The following DOCK3 variants were observed in gnomAD, a reference collection of about 807,000 sequenced individuals.
DOCK3 encodes the protein dedicator of cytokinesis protein 3.
A neutral mutation model predicts 265.6 loss-of-function variants in DOCK3; 60 were observed. That is an observed-to-expected ratio of 0.23 (90% CI 0.18 to 0.28). The LOEUF (loss-of-function observed/expected upper bound fraction) is 0.28. DOCK3 is among the 10% of genes least tolerant of loss of function. DOCK3 has a pLI of 1.00. For synonymous variants in DOCK3, 881 were observed against 938.0 expected, an observed-to-expected ratio of 0.94 and a Z score of 1.11; for missense variants, 1,981 against 2,594.3, an observed-to-expected ratio of 0.76 and a Z score of 5.14.
At chr3:51,210,640 C>T (rs2089451501) in intron 13 of DOCK3, among the ~76,000 whole-genome samples, 1 of 152,128 alleles carries the variant, frequency 6.6e-6, no homozygotes, top group Non-Finnish European at 1.5e-5. Context: ...ACTCTGGGGT[C>T]TTTGTGTCAG....
intron 37 of DOCK3, among the ~76,000 whole-genome samples, chr3:51,339,294 T>G (rs902431305): frequency 6.6e-6 from 1 of 152,204 alleles, no homozygotes; most frequent in East Asian, 1.9e-4. Flanking sequence ...TATCCACCCC[T>G]CTGAAGTCTC....
intron 49 of DOCK3, 22 bp downstream of exon 49, chr3:51,362,696 T>C: frequency 1.9e-6 from 3 of 1,610,148 alleles, no homozygotes; most frequent in Non-Finnish European, 2.5e-6. Context: ...AGGGTGCTAC[T>C]TGCAGAATGG....
chr3:51,267,772 A>G (rs1278669489), intron 23 of DOCK3, among the ~76,000 whole-genome samples: 1 of 152,242 alleles, frequency 6.6e-6, no homozygotes, highest in Non-Finnish European at 1.5e-5. Context: ...CTAGATAAAG[A>G]AAATGTGGCA....
At chr3:50,824,782 G>A (rs2675833) in intron 2 of DOCK3, among the ~76,000 whole-genome samples, 145,242 of 152,254 alleles carry the variant, frequency 0.95, 69,698 homozygotes, top group East Asian at 1. Context: ...TAGATGAATG[G>A]ACTAATAACC....
intron 23 of DOCK3, among the ~76,000 whole-genome samples, chr3:51,266,683 G>A (rs1169898823): frequency 6.6e-6 from 1 of 152,114 alleles, no homozygotes; most frequent in Non-Finnish European, 1.5e-5. Flanking sequence ...AACTCAAGAT[G>A]TATTAAAGAC....
chr3:50,998,264 G>A (rs2078352212), intron 5 of DOCK3, among the ~76,000 whole-genome samples: 1 of 152,136 alleles, frequency 6.6e-6, no homozygotes, highest in South Asian at 2.1e-4. Flanking sequence ...TCCAGACCTG[G>A]GACTTTGAAT....
chr3:50,690,807 T>C (rs2035182147), intron 1 of DOCK3, among the ~76,000 whole-genome samples: 1 of 151,816 alleles, frequency 6.6e-6, no homozygotes, highest in African/African-American at 2.4e-5. Context: ...CATGCCTGGC[T>C]AATTTTTGTA....
chr3:50,987,267 A>G (rs890151341), intron 5 of DOCK3, among the ~76,000 whole-genome samples: 1 of 152,230 alleles, frequency 6.6e-6, no homozygotes, highest in African/African-American at 2.4e-5. Flanking sequence ...AATTCTGTTC[A>G]TAAAGAATAC....
chr3:51,348,948 G>GC lies in DOCK3; in HGVS notation c.4002+14dup, dbSNP rs1553865726. 1 of 1,558,098 alleles carries GC rather than the reference G, an allele frequency of 6.4e-7. No individual in the cohort carries two copies. ...CCTCAGCTGGATTCGGGTGAGCTGT[G>GC]CCCCTCCCCCCACCCCAGCCCTGAC... is the stretch of plus-strand genomic sequence containing the variant. On this transcript the variant is annotated intron_variant, in intron 39 of 52. Transcript: ENST00000266037.
At chr3:51,379,473 G>A (rs1322365521) in intron 51 of DOCK3, 1 of 985,342 alleles carries the variant, frequency 1.0e-6, no homozygotes, top group African/African-American at 1.7e-5. Flanking sequence ...CCCAGCAGCT[G>A]GAGTCTGGAT....
chr3:50,823,219 AG>A (rs1197924403), intron 2 of DOCK3, among the ~76,000 whole-genome samples: 1 of 151,840 alleles, frequency 6.6e-6, no homozygotes, highest in Non-Finnish European at 1.5e-5. Context: ...GGGATTTGGC[AG>A]GGTCACAGGA....
intron 51 of DOCK3, among the ~76,000 whole-genome samples, chr3:51,377,968 A>AT (rs1227152018): frequency 7.2e-5 from 11 of 152,082 alleles, no homozygotes; most frequent in Admixed American, 2.0e-4. Context: ...GGAGAAGGTG[A>AT]TTTTTTTGGC....
chr3:51,364,811 T>C (rs1308509908), intron 49 of DOCK3, among the ~76,000 whole-genome samples: 2 of 152,134 alleles, frequency 1.3e-5, no homozygotes, highest in East Asian at 1.9e-4. Flanking sequence ...GGTATTATTT[T>C]TGAGGGTTCT....
intron 5 of DOCK3, among the ~76,000 whole-genome samples, chr3:51,005,650 T>A (rs1375175454): frequency 6.6e-6 from 1 of 152,206 alleles, no homozygotes; most frequent in Non-Finnish European, 1.5e-5. Context: ...ATCAAATGTT[T>A]AGCAGGTTCT....
chr3:50,841,712 GA>G lies in DOCK3; in HGVS notation c.161del (p.Lys54ArgfsTer11). The G allele has an allele frequency of 8.8e-7, 1 of 1,138,256 alleles. No homozygotes were observed. Among genetic ancestry groups the G allele is most frequent in the Non-Finnish European group, 1.1e-6 (1 of 883,222 alleles). The allele number at this position is 1,138,256 out of a possible 1,614,324, so 70.5% of individuals were successfully genotyped here. A position where few individuals can be genotyped will look rare whatever the true frequency, so the allele number is the denominator to read the frequency against. Reference protein sequence around the residue: ...RGVSTKKPNVKGIFPANYIHL... With the variant: ...RGVSTKKPNVXGIFPANYIHL... ...GAGTTTCAACAAAGAAGCCAAATGT[GA>G]AGGTAATGAAAAGTTTATTGTTACC... is the stretch of plus-strand genomic sequence containing the variant. On this transcript the variant is annotated frameshift_variant and splice_region_variant, in exon 3 of 53. Transcript: ENST00000266037. LOFTEE classifies it high-confidence loss of function.
chr3:51,073,220 A>C (rs542011485), intron 6 of DOCK3, among the ~76,000 whole-genome samples: 1 of 152,224 alleles, frequency 6.6e-6, no homozygotes, highest in African/African-American at 2.4e-5. Flanking sequence ...CAGTTTTCTG[A>C]TACAAATGCT....
At chr3:51,210,245 G>A (rs764861113) in intron 13 of DOCK3, among the ~76,000 whole-genome samples, 17 of 152,172 alleles carry the variant, frequency 1.1e-4, no homozygotes, top group Non-Finnish European at 1.9e-4. Context: ...TCCCCAGAGC[G>A]AGCAGGGACT....
At chr3:50,984,233 G>C (rs989712617) in intron 5 of DOCK3, among the ~76,000 whole-genome samples, 6 of 152,218 alleles carry the variant, frequency 3.9e-5, no homozygotes, top group African/African-American at 1.2e-4. Flanking sequence ...TGGCCACAAA[G>C]GTTTCCAGTC....
chr3:50,758,869 T>G (rs1559601822), intron 1 of DOCK3, among the ~76,000 whole-genome samples: 1 of 152,210 alleles, frequency 6.6e-6, no homozygotes, highest in African/African-American at 2.4e-5. Context: ...TCATATAAAA[T>G]TTTCCTTTTG....
Sources: gnomAD v4.1 joint callset for allele counts (sites outside exome capture counted in the v4.1 genomes callset) on GRCh38, gnomAD v4.1.1 for gene constraint, MANE v1.5 for transcripts, NCBI Gene and HGNC (gene_info 2026-07-23, HGNC 2026-07-21) for gene names.